Variants in TENM3 observed in about 807,000 individuals in gnomAD.
TENM3 encodes the protein teneurin-3.
Under a neutral mutation model 255.1 loss-of-function variants are expected in TENM3, and 63 were observed. The observed-to-expected ratio is 0.25, with a 90% CI of 0.20 to 0.30. The LOEUF is 0.30. Ranked by LOEUF, TENM3 falls within the 10% of genes least tolerant of loss-of-function variation. The probability of loss-of-function intolerance (pLI) is 1.00; values close to 1 mark genes in which losing one functional copy is unlikely to be tolerated. For missense variants in TENM3, 2,929 were observed against 3,461.1 expected, an observed-to-expected ratio of 0.85 and a Z score of 3.86; for synonymous variants, 1,306 against 1,322.3, an observed-to-expected ratio of 0.99 and a Z score of 0.27.
intron 6 of TENM3, among the ~76,000 whole-genome samples, chr4:182,666,028 C>T (rs1398083774): frequency 6.6e-6 from 1 of 151,970 alleles, no homozygotes; most frequent in Non-Finnish European, 1.5e-5. Context: ...TCATAGATGA[C>T]TTTGAGGGTT....
At chr4:182,763,566 G>T (rs896194526) in intron 22 of TENM3, among the ~76,000 whole-genome samples, 1 of 148,074 alleles carries the variant, frequency 6.8e-6, no homozygotes, top group Non-Finnish European at 1.5e-5. Context: ...AAAAAAAAAA[G>T]AAACGATGGA....
chr4:181,499,268 C>T, the TENM3 span, among the ~76,000 whole-genome samples: 1 of 152,168 alleles, frequency 6.6e-6, no homozygotes, highest in African/African-American at 2.4e-5. Context: ...CATGAGTTTC[C>T]TCAGACTTCT....
chr4:182,625,027 G>T (rs12504411), intron 4 of TENM3, among the ~76,000 whole-genome samples: 116,206 of 152,116 alleles, frequency 0.76, 44,737 homozygotes, highest in African/African-American at 0.88. Context: ...ATACAAATAG[G>T]CATTTTATTC....
chr4:181,812,667 G>A, the TENM3 span, among the ~76,000 whole-genome samples: 1 of 152,078 alleles, frequency 6.6e-6, no homozygotes, highest in Non-Finnish European at 1.5e-5. Flanking sequence ...TAATATTTTT[G>A]GCTCGGAGGA....
chr4:182,091,733 T>C, the TENM3 span, among the ~76,000 whole-genome samples: 1 of 152,184 alleles, frequency 6.6e-6, no homozygotes, highest in Non-Finnish European at 1.5e-5. Context: ...TCTTTTTGCC[T>C]TCTCCCTGCC....
At chr4:181,922,405 T>G in the TENM3 span, among the ~76,000 whole-genome samples, 1 of 152,222 alleles carries the variant, frequency 6.6e-6, no homozygotes, top group African/African-American at 2.4e-5. Flanking sequence ...ATTGCCACAA[T>G]TTCAGAGCCT....
chr4:181,747,941 G>A, the TENM3 span, among the ~76,000 whole-genome samples: 3 of 151,488 alleles, frequency 2.0e-5, no homozygotes, highest in Non-Finnish European at 4.4e-5. Flanking sequence ...ATTTGCATTT[G>A]GGTTTATTTC....
At chr4:181,711,120 T>G in the TENM3 span, among the ~76,000 whole-genome samples, 4 of 152,186 alleles carry the variant, frequency 2.6e-5, no homozygotes, top group Non-Finnish European at 5.9e-5. Context: ...TAGCTACAAA[T>G]TCACATGCTT....
At chr4:182,591,272 G>A (rs1746620433) in intron 3 of TENM3, among the ~76,000 whole-genome samples, 1 of 152,110 alleles carries the variant, frequency 6.6e-6, no homozygotes, top group Admixed American at 6.6e-5. Context: ...AGAACGTGAA[G>A]ATTTAGATTC....
chr4:182,460,192 A>G (rs1157223583), intron 3 of TENM3, among the ~76,000 whole-genome samples: 1 of 152,202 alleles, frequency 6.6e-6, no homozygotes, highest in African/African-American at 2.4e-5. Context: ...TCATGACCCT[A>G]GGACAGAGGA....
At chr4:182,299,983 T>A (rs1166577436) in intron 1 of TENM3, among the ~76,000 whole-genome samples, 2 of 151,950 alleles carry the variant, frequency 1.3e-5, no homozygotes, top group African/African-American at 4.8e-5. Context: ...TGGCGCAATC[T>A]TGGCTTAATG....
At chr4:181,687,569 G>T in the TENM3 span, among the ~76,000 whole-genome samples, 1 of 152,128 alleles carries the variant, frequency 6.6e-6, no homozygotes, top group African/African-American at 2.4e-5. Context: ...TCCAGGCATT[G>T]TTGGTGACTC....
the TENM3 span, among the ~76,000 whole-genome samples, chr4:181,781,696 C>G: frequency 8.5e-5 from 13 of 152,134 alleles, no homozygotes; most frequent in Non-Finnish European, 1.8e-4. Context: ...TGTCTTGTGC[C>G]AGTTTTCAAA....
At chr4:181,882,355 A>G in the TENM3 span, among the ~76,000 whole-genome samples, 2 of 152,208 alleles carry the variant, frequency 1.3e-5, no homozygotes, top group African/African-American at 2.4e-5. Context: ...GCAGGAAGGA[A>G]GTGTTAAATG....
the TENM3 span, among the ~76,000 whole-genome samples, chr4:181,963,758 T>C: frequency 6.6e-6 from 1 of 152,210 alleles, no homozygotes; most frequent in Non-Finnish European, 1.5e-5. Flanking sequence ...TGAGAAGAGA[T>C]AATTAAAACT....
the TENM3 span, among the ~76,000 whole-genome samples, chr4:181,699,063 T>C: frequency 2.6e-5 from 4 of 152,110 alleles, no homozygotes; most frequent in Non-Finnish European, 5.9e-5. Context: ...TGTCAATTTA[T>C]GTGTTAGTGT....
chr4:182,299,504 T>C (rs572196046), intron 1 of TENM3, among the ~76,000 whole-genome samples: 21 of 152,216 alleles, frequency 1.4e-4, no homozygotes, highest in Non-Finnish European at 3.1e-4. Context: ...ACAGAATGAA[T>C]GCTGCTTATC....
the TENM3 span, among the ~76,000 whole-genome samples, chr4:181,672,751 A>T: frequency 2.6e-5 from 4 of 152,210 alleles, no homozygotes; most frequent in Non-Finnish European, 5.9e-5. Flanking sequence ...TGTGCCAGGA[A>T]CTGTGCTAAG....
At chr4:181,502,207 G>C in the TENM3 span, among the ~76,000 whole-genome samples, 2 of 152,180 alleles carry the variant, frequency 1.3e-5, no homozygotes, top group Non-Finnish European at 2.9e-5. Context: ...ATTATATATT[G>C]GTCAAAGCCC....
Sources: allele counts gnomAD v4.1 joint callset (sites outside exome capture counted in the v4.1 genomes callset), GRCh38; gene constraint gnomAD v4.1.1; transcripts MANE v1.5; gene names NCBI Gene and HGNC (gene_info 2026-07-23, HGNC 2026-07-21).